ATXN10: variants seen among roughly 807,000 people sequenced by gnomAD.
ATXN10 encodes the protein ataxin-10.
Under a neutral mutation model 52.9 loss-of-function variants are expected in ATXN10, and 28 were observed. That is an observed-to-expected ratio of 0.53 (90% CI 0.39 to 0.73). ATXN10 has a LOEUF of 0.73. Ranked by LOEUF, ATXN10 falls within the 30% of genes least tolerant of loss-of-function variation. The pLI is 0.00. For missense variants in ATXN10, 565 were observed against 577.0 expected, an observed-to-expected ratio of 0.98 and a Z score of 0.21; for synonymous variants, 226 against 221.5, an observed-to-expected ratio of 1.02 and a Z score of -0.18.
intron 6 of ATXN10, among the ~76,000 whole-genome samples, chr22:45,725,213 G>A (rs1018599671): frequency 6.6e-6 from 1 of 152,040 alleles, no homozygotes; most frequent in Non-Finnish European, 1.5e-5. Flanking sequence ...TATTTTGATA[G>A]GAATTGCATT....
intron 3 of ATXN10, among the ~76,000 whole-genome samples, chr22:45,697,729 C>G (rs894620181): frequency 2.6e-5 from 4 of 152,140 alleles, no homozygotes; most frequent in African/African-American, 9.7e-5. Context: ...CCCTGGGGTT[C>G]ACGCCATTCT....
intron 5 of ATXN10, among the ~76,000 whole-genome samples, chr22:45,709,252 C>G (rs576841784): frequency 1.3e-4 from 20 of 152,256 alleles, no homozygotes; most frequent in Non-Finnish European, 2.5e-4. Flanking sequence ...ACTGTGAGCT[C>G]CCTGTAAGGC....
In ATXN10 at chr22:45,780,071, G is replaced by T. The variant is rs1348802884; in HGVS notation, c.1174-26888G>T. On this transcript the variant is annotated intron_variant, in intron 9 of 11. Transcript: ENST00000252934. This position sits in a 1 kb window ranked among gnomAD's most constrained non-coding sequence, Gnocchi z 4.0. Reference sequence around the variant, plus strand: ...ATAAAAACGCTTATACAAACAAAAAGGCAGACTGCATCATCTTTTTTTTTT... The same window carrying T: ...ATAAAAACGCTTATACAAACAAAAATGCAGACTGCATCATCTTTTTTTTTT... 6.9e-6 allele frequency among the ~76,000 whole-genome samples: 1 copy of T among 144,984 alleles called. No homozygotes were observed. The highest frequency in any genetic ancestry group is 1.5e-5 in the Non-Finnish European group (1 of 67,098).
At chr22:45,815,647 T>G (rs1231854901) in intron 10 of ATXN10, among the ~76,000 whole-genome samples, 1 of 149,218 alleles carries the variant, frequency 6.7e-6, no homozygotes, top group Non-Finnish European at 1.5e-5. Context: ...AAGAGTCCTC[T>G]TTGTTGGAAA....
At chr22:45,834,758 T>G (rs540589306) in intron 10 of ATXN10, among the ~76,000 whole-genome samples, 7 of 152,228 alleles carry the variant, frequency 4.6e-5, no homozygotes, top group African/African-American at 1.7e-4. Flanking sequence ...GAGCACACAT[T>G]CTCTGGAGTC....
In ATXN10 at chr22:45,823,148, C is replaced by T. The variant is rs79672734; in HGVS notation, c.1237+16126C>T. ...TGTACGCATCACCCAGATGGAAATA[C>T]AGAACATGCCCATCTCCCTAGGCGG... is the stretch of plus-strand genomic sequence containing the variant. On this transcript the variant is annotated intron_variant, in intron 10 of 11. Coordinates refer to ENST00000252934, the MANE Select transcript of ATXN10 (RefSeq NM_013236.4). The surrounding 1 kb of genome is among the most constrained non-coding windows in gnomAD (Gnocchi z 4.9). 16,794 of 471,694 alleles carry T rather than the reference C, an allele frequency of 0.036. 446 individuals carry two copies. Among genetic ancestry groups the T allele is most frequent in the Non-Finnish European group, 0.047 (10,677 of 227,136 alleles). The allele number at this position is 471,694 out of a possible 1,614,324, so 29.2% of individuals were successfully genotyped here. A position where few individuals can be genotyped will look rare whatever the true frequency, so the allele number is the denominator to read the frequency against.
At chr22:45,722,524 C>G (rs542312524) in intron 6 of ATXN10, among the ~76,000 whole-genome samples, 1 of 152,322 alleles carries the variant, frequency 6.6e-6, no homozygotes, top group East Asian at 1.9e-4. Flanking sequence ...TGAAATCACT[C>G]AGTACCCACA....
chr22:45,845,049 A>C lies in ATXN10; in HGVS notation c.*1378A>C, dbSNP rs1200607604. The C allele has an allele frequency of 6.6e-6, 1 of 152,264 alleles. No individual in the cohort carries two copies. Among genetic ancestry groups the C allele is most frequent in the African/African-American group, 2.4e-5 (1 of 41,468 alleles). 9.4% of individuals were successfully genotyped at this position (152,264 alleles called of 1,614,324 possible). On this transcript the variant is annotated 3_prime_UTR_variant, in exon 12 of 12. Coordinates refer to ENST00000252934, the MANE Select transcript of ATXN10 (RefSeq NM_013236.4). This position sits in a 1 kb window ranked among gnomAD's most constrained non-coding sequence, Gnocchi z 4.7. ...ATGACTTTCCATCAGTAAAGAAGCC[A>C]TTGCAGAATTTAAAATTACACAAAG...
chr22:45,823,411 T>C lies in ATXN10; in HGVS notation c.1237+16389T>C. ...CTATCAGAATTGTAATTATTTATGA[T>C]GTACAGTAGGGATTCTGTCTTTTTT... On this transcript the variant is annotated intron_variant, in intron 10 of 11. Coordinates refer to ENST00000252934, the MANE Select transcript of ATXN10 (RefSeq NM_013236.4). This position sits in a 1 kb window ranked among gnomAD's most constrained non-coding sequence, Gnocchi z 4.9. 3.4e-6 allele frequency: 1 copy of C among 297,032 alleles called. No homozygotes were observed. Among genetic ancestry groups the C allele is most frequent in the Non-Finnish European group, 6.7e-6 (1 of 149,712 alleles). 18.4% of individuals were successfully genotyped at this position (297,032 alleles called of 1,614,324 possible). A position where few individuals can be genotyped will look rare whatever the true frequency, so the allele number is the denominator to read the frequency against.
rs1926787479 is a variant in ATXN10, at chr22:45,771,755, A to G, written c.1173+31217A>G. ...ACGTATCTGTTCCAGTCTTTTCCTT[A>G]TTTTGAAATTGGGTTGTTTTCTTTC... On this transcript the variant is annotated intron_variant, in intron 9 of 11. Transcript: ENST00000252934. Among the ~76,000 whole-genome samples the G allele has an allele frequency of 2.0e-5, 3 of 151,470 alleles. No homozygotes were observed. The South Asian group carries it at 6.3e-4, about 32-fold the overall frequency.
In ATXN10 at chr22:45,819,968, C is replaced by A. The variant is rs1928594896; in HGVS notation, c.1237+12946C>A. 6.6e-6 allele frequency among the ~76,000 whole-genome samples: 1 copy of A among 152,126 alleles called. No homozygotes were observed. The highest frequency in any genetic ancestry group is 1.5e-5 in the Non-Finnish European group (1 of 68,026). On this transcript the variant is annotated intron_variant, in intron 10 of 11. Transcript: ENST00000252934. This position sits in a 1 kb window ranked among gnomAD's most constrained non-coding sequence, Gnocchi z 4.5. ...TTGTCAGGATTTTTGTCTAAAAAGACCTTAGTCACATTTAGCAGTGACCAA... is the reference window on the plus strand; with the variant it reads ...TTGTCAGGATTTTTGTCTAAAAAGAACTTAGTCACATTTAGCAGTGACCAA...
rs9626207 is a variant in ATXN10, at chr22:45,828,750, A to G, written c.1238-14241A>G. On this transcript the variant is annotated intron_variant, in intron 10 of 11. Transcript: ENST00000252934. The surrounding 1 kb of genome is among the most constrained non-coding windows in gnomAD (Gnocchi z 4.5). ...AGTACTATAAGTTACTAGTTATAGT[A>G]AGACAATTAAATCAGCAATGAAAAA... Among the ~76,000 whole-genome samples the G allele has an allele frequency of 0.011, 1,707 of 152,340 alleles. 39 individuals carry two copies. The highest frequency in any genetic ancestry group is 0.039 in the African/African-American group (1,627 of 41,562).
chr22:45,773,203 G>A (rs992363177), intron 9 of ATXN10, among the ~76,000 whole-genome samples: 2 of 152,156 alleles, frequency 1.3e-5, no homozygotes, highest in African/African-American at 4.8e-5. Flanking sequence ...GTATGGGCTT[G>A]CTCAACTCAT....
chr22:45,814,955 TC>T (rs1671680270), intron 10 of ATXN10, among the ~76,000 whole-genome samples: 1 of 152,158 alleles, frequency 6.6e-6, no homozygotes, highest in Non-Finnish European at 1.5e-5. Context: ...CACACCCCCA[TC>T]CGTCCTGGAA....
At chr22:45,709,286 G>C (rs1385749237) in intron 5 of ATXN10, among the ~76,000 whole-genome samples, 1 of 152,058 alleles carries the variant, frequency 6.6e-6, no homozygotes, top group Non-Finnish European at 1.5e-5. Flanking sequence ...GTTTGTTATT[G>C]GATCTTTAAC....
At chr22:45,703,134 A>G (rs1923905271) in intron 5 of ATXN10, among the ~76,000 whole-genome samples, 1 of 152,198 alleles carries the variant, frequency 6.6e-6, no homozygotes, top group Non-Finnish European at 1.5e-5. Context: ...TGAAATGCCC[A>G]GGCACCTTTG....
intron 3 of ATXN10, among the ~76,000 whole-genome samples, chr22:45,694,431 T>G (rs113683519): frequency 0.046 from 7,031 of 152,092 alleles, 440 homozygotes; most frequent in African/African-American, 0.15. Context: ...GTGGACAGAT[T>G]GCTTGAGCTC....
Position 45,725,401 on chromosome 22 carries a change from A to ATTT in ATXN10, c.729-4008_729-4006dup, listed in dbSNP as rs60263048. 1.0e-4 allele frequency among the ~76,000 whole-genome samples: 12 copies of ATTT among 116,194 alleles called. No homozygotes were observed. The South Asian group carries it at 2.2e-3, about 22-fold the overall frequency. The allele number at this position is 116,194 out of a possible 152,430, so 76.2% of individuals were successfully genotyped here. On this transcript the variant is annotated intron_variant, in intron 6 of 11. Coordinates refer to ENST00000252934, the MANE Select transcript of ATXN10 (RefSeq NM_013236.4). ...GGTTAAATATATTTCCAGGCATTTGATTTTTTTTTTTTTTTTTTGCAGCTA... is the reference window on the plus strand; with the variant it reads ...GGTTAAATATATTTCCAGGCATTTGATTTTTTTTTTTTTTTTTTTTTGCAGCTA...
At chr22:45,713,150 C>T (rs1234095466) in intron 5 of ATXN10, among the ~76,000 whole-genome samples, 1 of 152,072 alleles carries the variant, frequency 6.6e-6, no homozygotes, top group Non-Finnish European at 1.5e-5. Flanking sequence ...AGGAGTTCGC[C>T]TTTCGCTGTC....
Sources: gnomAD v4.1 joint callset for allele counts (sites outside exome capture counted in the v4.1 genomes callset) on GRCh38, gnomAD v4.1.1 for gene constraint, Gnocchi (gnomAD v3.1) non-coding constraint, MANE v1.5 for transcripts, NCBI Gene and HGNC (gene_info 2026-07-23, HGNC 2026-07-21) for gene names.